The following RBFOX1 variants were observed in gnomAD, a reference collection of about 807,000 sequenced individuals.
RBFOX1 encodes the protein RNA binding fox-1 homolog 1, also known as RNA binding protein fox-1 homolog 1.
Under a neutral mutation model 57.7 loss-of-function variants are expected in RBFOX1, and 8 were observed. That is an observed-to-expected ratio of 0.14 (90% CI 0.08 to 0.25). RBFOX1 has a LOEUF of 0.25. Ranked by LOEUF, RBFOX1 falls within the 10% of genes least tolerant of loss-of-function variation. The probability of loss-of-function intolerance (pLI) is 1.00; values close to 1 mark genes in which losing one functional copy is unlikely to be tolerated. For missense variants in RBFOX1, 611 were observed against 548.5 expected (o/e 1.11, Z -1.14); for synonymous variants, 326 against 222.4 (o/e 1.47, Z -4.15).
At chr16:7,016,975 C>A (rs926082251) in intron 3 of RBFOX1, among the ~76,000 whole-genome samples, 3 of 152,124 alleles carry the variant, frequency 2.0e-5, no homozygotes, top group African/African-American at 7.2e-5. Flanking sequence ...AAAGGTTTCA[C>A]CATTATTTTC....
intron 1 of RBFOX1, among the ~76,000 whole-genome samples, chr16:5,420,185 A>G (rs1441442573): frequency 1.3e-5 from 2 of 152,172 alleles, no homozygotes; most frequent in Non-Finnish European, 2.9e-5. Context: ...AAATAATGCA[A>G]TGCTGGTTTG....
intron 4 of RBFOX1, among the ~76,000 whole-genome samples, chr16:7,371,373 C>T (rs1402416905): frequency 2.6e-5 from 4 of 152,132 alleles, no homozygotes; most frequent in African/African-American, 9.7e-5. Context: ...AAATGAAGCC[C>T]ATCTCCAAAT....
In RBFOX1 at chr16:7,095,684, A is replaced by T. The variant is rs546220717; in HGVS notation, c.27+43586A>T. Among the ~76,000 whole-genome samples, 9 of 152,298 alleles carry T rather than the reference A, an allele frequency of 5.9e-5. No homozygotes were observed. In the East Asian group the frequency reaches 1.5e-3, roughly 26 times the overall value. ...AATCATGTTGGTAAGGTCTTGGTTG[A>T]TCACTCGATAAGTAGCAATTTGTTT... On this transcript the variant is annotated intron_variant, in intron 4 of 15. Coordinates refer to ENST00000550418, the MANE Select transcript of RBFOX1 (RefSeq NM_018723.4).
intron 2 of RBFOX1, among the ~76,000 whole-genome samples, chr16:6,613,515 C>T (rs984142901): frequency 4.6e-5 from 7 of 152,004 alleles, no homozygotes; most frequent in African/African-American, 7.3e-5. Flanking sequence ...CACTTACATG[C>T]AAGGACATTG....
intron 1 of RBFOX1, among the ~76,000 whole-genome samples, chr16:6,153,022 A>T (rs2096809218): frequency 7.0e-6 from 1 of 142,094 alleles, no homozygotes; most frequent in Admixed American, 7.1e-5. Context: ...AAAGGGGCAT[A>T]GTTATTTTCT....
chr16:5,802,898 A>C (rs1240609412), intron 3 of RBFOX1, among the ~76,000 whole-genome samples: 1 of 152,072 alleles, frequency 6.6e-6, no homozygotes, highest in Admixed American at 6.5e-5. Flanking sequence ...TCCTCACCTC[A>C]CTGACATTTA....
chr16:6,559,144 T>C (rs2097145119), intron 2 of RBFOX1, among the ~76,000 whole-genome samples: 1 of 150,904 alleles, frequency 6.6e-6, no homozygotes, highest in African/African-American at 2.5e-5. Flanking sequence ...TATATACATA[T>C]GTGTATATAT....
intron 4 of RBFOX1, among the ~76,000 whole-genome samples, chr16:7,511,472 T>C (rs1273149155): frequency 6.6e-6 from 1 of 152,180 alleles, no homozygotes; most frequent in Non-Finnish European, 1.5e-5. Context: ...ACCAAAGAAA[T>C]TCTCTGAGCA....
intron 3 of RBFOX1, among the ~76,000 whole-genome samples, chr16:6,993,636 C>G (rs1455832132): frequency 6.6e-6 from 1 of 152,122 alleles, no homozygotes; most frequent in Non-Finnish European, 1.5e-5. Context: ...TCAGCCGGGC[C>G]ACTTCTTCAC....
At chr16:6,192,562 T>G (rs2097148832) in intron 1 of RBFOX1, among the ~76,000 whole-genome samples, 3 of 152,106 alleles carry the variant, frequency 2.0e-5, no homozygotes, top group African/African-American at 7.2e-5. Context: ...ATAAGGATGG[T>G]CACTAAGCAT....
At chr16:6,630,893 T>C (rs982702557) in intron 2 of RBFOX1, among the ~76,000 whole-genome samples, 2 of 152,188 alleles carry the variant, frequency 1.3e-5, no homozygotes, top group Non-Finnish European at 2.9e-5. Context: ...ACAGCTATGA[T>C]AAATGCTGCT....
chr16:6,753,042 A>G (rs2075219551), intron 3 of RBFOX1, among the ~76,000 whole-genome samples: 1 of 151,288 alleles, frequency 6.6e-6, no homozygotes, highest in South Asian at 2.1e-4. Flanking sequence ...TAACTTTTTC[A>G]TAGTGGTCAT....
At chr16:7,687,086 T>G (rs1465231721) in intron 14 of RBFOX1, among the ~76,000 whole-genome samples, 1 of 152,128 alleles carries the variant, frequency 6.6e-6, no homozygotes, top group East Asian at 1.9e-4. Flanking sequence ...CAAAAAGAGA[T>G]AGGTGTAGGA....
At chr16:6,901,900 T>A (rs1370473081) in intron 3 of RBFOX1, among the ~76,000 whole-genome samples, 1 of 152,170 alleles carries the variant, frequency 6.6e-6, no homozygotes, top group Non-Finnish European at 1.5e-5. Context: ...GAACTGGGGT[T>A]TATTTGCCAT....
At chr16:5,464,530 G>A (rs771568823) in intron 1 of RBFOX1, among the ~76,000 whole-genome samples, 5 of 152,234 alleles carry the variant, frequency 3.3e-5, no homozygotes, top group African/African-American at 4.8e-5. Context: ...GATGACAGGG[G>A]ACCAAGGGTC....
At chr16:5,916,518 G>C (rs753497324) in intron 4 of RBFOX1, among the ~76,000 whole-genome samples, 1 of 152,022 alleles carries the variant, frequency 6.6e-6, no homozygotes, top group Non-Finnish European at 1.5e-5. Flanking sequence ...TTAAGCTTTT[G>C]TAGGGGCCTA....
intron 1 of RBFOX1, among the ~76,000 whole-genome samples, chr16:6,212,064 G>T (rs915723349): frequency 6.6e-6 from 1 of 151,896 alleles, no homozygotes; most frequent in Admixed American, 6.6e-5. Context: ...TGCCATGTTG[G>T]CCAGGCTAGT....
At chr16:6,782,726 A>G (rs2081240659) in intron 3 of RBFOX1, among the ~76,000 whole-genome samples, 1 of 152,162 alleles carries the variant, frequency 6.6e-6, no homozygotes, top group Non-Finnish European at 1.5e-5. Flanking sequence ...AATGTTTTGT[A>G]AATGTCTATT....
intron 3 of RBFOX1, among the ~76,000 whole-genome samples, chr16:6,988,731 A>ATTTTTTTTTT (rs111959126): frequency 9.6e-4 from 88 of 91,290 alleles, no homozygotes; most frequent in African/African-American, 2.0e-3. Context: ...CACCCAGCTA[A>ATTTTTTTTTT]TTTTTTTTTT....
Sources: allele counts gnomAD v4.1 joint callset (sites outside exome capture counted in the v4.1 genomes callset), GRCh38; gene constraint gnomAD v4.1.1; transcripts MANE v1.5; gene names NCBI Gene and HGNC (gene_info 2026-07-23, HGNC 2026-07-21).